The following PTPN12 variants were observed in gnomAD, a reference collection of about 807,000 sequenced individuals.
PTPN12 encodes protein tyrosine phosphatase non-receptor type 12.
PTPN12 carries 29 observed loss-of-function variants against 97.6 expected under a neutral mutation model. The ratio of observed to expected loss-of-function variants is 0.30; its 90% confidence interval spans 0.22 to 0.41. PTPN12 has a LOEUF of 0.41. PTPN12 is among the 10% of genes least tolerant of loss of function. The pLI, the probability that PTPN12 is intolerant of heterozygous loss-of-function variation, is 1.00. For missense variants in PTPN12, 819 were observed against 926.0 expected (o/e 0.88, Z 1.50); for synonymous variants, 327 against 300.4 (o/e 1.09, Z -0.91).
At chr7:77,562,819 T>G (rs1368674671) in intron 1 of PTPN12, among the ~76,000 whole-genome samples, 1 of 152,170 alleles carries the variant, frequency 6.6e-6, no homozygotes, top group African/African-American at 2.4e-5. Context: ...TCCTCCTAGT[T>G]CAAGTGGTAT....
intron 12 of PTPN12, among the ~76,000 whole-genome samples, chr7:77,625,522 TCA>T (rs1335029480): frequency 0.014 from 630 of 44,582 alleles, 34 homozygotes; most frequent in East Asian, 0.034. Context: ...TCTCTCTCTC[TCA>T]CTCTCACTCT....
rs551659229 is a variant in PTPN12 at position 77,639,457 on chromosome 7, A to G, written c.*177A>G. 3 of 536,002 alleles carry G rather than the reference A, an allele frequency of 5.6e-6. No homozygotes were observed. The highest frequency in any genetic ancestry group is 1.9e-5 in the African/African-American group (1 of 52,714). The allele number at this position is 536,002 out of a possible 1,614,324, so 33.2% of individuals were successfully genotyped here. On this transcript the variant is annotated 3_prime_UTR_variant, in exon 18 of 18. Coordinates refer to ENST00000248594, the MANE Select transcript of PTPN12 (RefSeq NM_002835.4). ...TACTACACTTAGGAAAAAGTATTAC[A>G]TATGGTTTATTTTGAAACTTCAAGT...
At chr7:77,638,847 T>G in intron 17 of PTPN12, 116 bp downstream of exon 17, 1 of 1,402,996 alleles carries the variant, frequency 7.1e-7, no homozygotes, top group Non-Finnish European at 9.3e-7. Flanking sequence ...TTTCCAAAGT[T>G]GCTTGGACTA....
intron 6 of PTPN12, among the ~76,000 whole-genome samples, chr7:77,595,162 G>A (rs575295080): frequency 2.4e-4 from 37 of 152,320 alleles, no homozygotes; most frequent in African/African-American, 8.4e-4. Context: ...TAATTTGTCA[G>A]CGTCAGGATT....
At chr7:77,582,778 C>T (rs1584143548) in intron 3 of PTPN12, among the ~76,000 whole-genome samples, 1 of 133,512 alleles carries the variant, frequency 7.5e-6, no homozygotes, top group South Asian at 2.4e-4. Context: ...AGCAAGACTC[C>T]GTCTCAAAAA....
chr7:77,558,687 C>T (rs1281272753), intron 1 of PTPN12, among the ~76,000 whole-genome samples: 1 of 152,162 alleles, frequency 6.6e-6, no homozygotes, highest in Non-Finnish European at 1.5e-5. Flanking sequence ...TTTCCATTAT[C>T]CCCTGATAAG....
intron 15 of PTPN12, 151 bp from the exon 16 acceptor site, chr7:77,636,867 C>G (rs1370415687): frequency 6.5e-5 from 36 of 555,814 alleles, no homozygotes; most frequent in Middle Eastern, 8.3e-4. Flanking sequence ...AAATTTTAAG[C>G]CTAATTAAAA....
chr7:77,625,478 T>TCGCGCGCG (rs1562758679), intron 12 of PTPN12, among the ~76,000 whole-genome samples: 1 of 31,216 alleles, frequency 3.2e-5, no homozygotes, highest in Non-Finnish European at 5.4e-5. Flanking sequence ...GCTCGCTCTC[T>TCGCGCGCG]CTCTCTCTCT....
At chr7:77,615,498 G>T in intron 11 of PTPN12, among the ~76,000 whole-genome samples, 1 of 152,192 alleles carries the variant, frequency 6.6e-6, no homozygotes, top group South Asian at 2.1e-4. Context: ...TATAATCCCA[G>T]CTCTTTGGGA....
chr7:77,589,736 A>G (rs1234309418), intron 5 of PTPN12, among the ~76,000 whole-genome samples: 1 of 152,160 alleles, frequency 6.6e-6, no homozygotes, highest in South Asian at 2.1e-4. Flanking sequence ...CAAGTTATCT[A>G]TTTAAGGGTT....
intron 1 of PTPN12, among the ~76,000 whole-genome samples, chr7:77,558,639 C>T (rs1230175515): frequency 6.6e-6 from 1 of 152,116 alleles, no homozygotes; most frequent in Non-Finnish European, 1.5e-5. Context: ...CAATGTTATC[C>T]CTTGGCTGGT....
At chr7:77,579,094 T>A (rs1029156313) in intron 2 of PTPN12, among the ~76,000 whole-genome samples, 28 of 152,128 alleles carry the variant, frequency 1.8e-4, no homozygotes, top group Non-Finnish European at 7.4e-5. Flanking sequence ...CTTTTTTAGA[T>A]TGAAGGAGAC....
chr7:77,589,922 T>G (rs11767942), intron 5 of PTPN12, among the ~76,000 whole-genome samples: 40,721 of 152,072 alleles, frequency 0.27, 5,552 homozygotes, highest in Non-Finnish European at 0.29. Context: ...AGTACATAAT[T>G]TTTTGAAGCG....
At chr7:77,555,982 GATTGCCCATCTATT>G (rs1334092408) in intron 1 of PTPN12, among the ~76,000 whole-genome samples, 1 of 151,990 alleles carries the variant, frequency 6.6e-6, no homozygotes, top group African/African-American at 2.4e-5. Context: ...TGCTTATATT[GATTGCCCATCTATT>G]CTGGCATACT....
At chr7:77,596,246 A>G (rs1287691250) in intron 6 of PTPN12, among the ~76,000 whole-genome samples, 7 of 152,164 alleles carry the variant, frequency 4.6e-5, no homozygotes, top group South Asian at 2.1e-4. Flanking sequence ...TGTCTATACA[A>G]ATTTTTTTAA....
rs945262953 is a variant in PTPN12 at position 77,556,639 on chromosome 7, A to G, written c.100-14439A>G. Among the ~76,000 whole-genome samples, 6 of 152,044 alleles carry G rather than the reference A, an allele frequency of 3.9e-5. No homozygotes were observed. In the East Asian group the frequency reaches 9.8e-4, roughly 25 times the overall value. On this transcript the variant is annotated intron_variant, in intron 1 of 17. Transcript: ENST00000248594. Reference sequence around the variant, plus strand: ...CTGAGGCTGGTGGATCACAAGGTCAAGAGATAGAGACCATCCTGGCCAACA... The same window carrying G: ...CTGAGGCTGGTGGATCACAAGGTCAGGAGATAGAGACCATCCTGGCCAACA...
At chr7:77,638,843 A>C in intron 17 of PTPN12, 112 bp downstream of exon 17, 1 of 1,416,952 alleles carries the variant, frequency 7.1e-7, no homozygotes, top group Non-Finnish European at 9.2e-7. Context: ...TGATTTTCCA[A>C]AGTTGCTTGG....
At chr7:77,609,269 CTCTCT>C (rs1562746418) in intron 9 of PTPN12, among the ~76,000 whole-genome samples, 1 of 73,812 alleles carries the variant, frequency 1.4e-5, no homozygotes, top group African/African-American at 9.3e-5. Context: ...AGTTCTCTCT[CTCTCT>C]TTTTTTTTTT....
chr7:77,613,591 T>C (rs1318195637), intron 11 of PTPN12, among the ~76,000 whole-genome samples: 1 of 152,042 alleles, frequency 6.6e-6, no homozygotes, highest in Admixed American at 6.5e-5. Context: ...CAGTGGCTCA[T>C]GCCTGGAATC....
Sources: allele counts gnomAD v4.1 joint callset (sites outside exome capture counted in the v4.1 genomes callset), GRCh38; gene constraint gnomAD v4.1.1; transcripts MANE v1.5; gene names NCBI Gene and HGNC (gene_info 2026-07-23, HGNC 2026-07-21).